The following EMG1 variants were observed in gnomAD, a reference collection of about 807,000 sequenced individuals.
EMG1 encodes ribosomal RNA small subunit methyltransferase NEP1.
A neutral mutation model predicts 26.9 loss-of-function variants in EMG1; 24 were observed. That is an observed-to-expected ratio of 0.89 (90% CI 0.65 to 1.26). EMG1 has a LOEUF of 1.26. Among genes scored for constraint, EMG1 ranks in the 50% most tolerant of loss-of-function variants. EMG1 has a pLI of 0.00. For missense variants in EMG1, 299 were observed against 307.6 expected (o/e 0.97, Z 0.21); for synonymous variants, 140 against 112.6 (o/e 1.24, Z -1.54).
downstream of EMG1, among the ~76,000 whole-genome samples, chr12:6,993,239 A>C (rs1329464180): frequency 2.6e-5 from 4 of 152,218 alleles, no homozygotes; most frequent in South Asian, 8.3e-4. Flanking sequence ...GGAGATCAAG[A>C]CCATCCTGGC....
downstream of EMG1, chr12:6,983,355 T>G: frequency 1.1e-6 from 1 of 947,126 alleles, no homozygotes; most frequent in Non-Finnish European, 1.7e-6. Context: ...TTAGATTCTC[T>G]CAAGGAAATT....
At chr12:6,985,989 G>A (rs1946521870) in intron 6 of EMG1, among the ~76,000 whole-genome samples, 6 of 151,868 alleles carry the variant, frequency 4.0e-5, no homozygotes, top group Admixed American at 3.9e-4. Context: ...TGGCCAGGCT[G>A]GTCTCGAACT....
At chr12:6,971,840 A>G (rs1320169089) in intron 1 of EMG1, among the ~76,000 whole-genome samples, 4 of 152,204 alleles carry the variant, frequency 2.6e-5, no homozygotes, top group Admixed American at 6.5e-5. Flanking sequence ...CACCTATGAT[A>G]CACTGTCCAG....
chr12:6,977,669 A>T lies in EMG1; in HGVS notation c.*1860A>T. 5 of 1,614,262 alleles carry T rather than the reference A, an allele frequency of 3.1e-6. No individual in the cohort carries two copies. The highest frequency in any genetic ancestry group is 4.2e-6 in the Non-Finnish European group (5 of 1,180,040). ...AGGTATCCTGAGTGCAGGCCGTGCC[A>T]GAGGGCCAGGAATAGCAACGAGAGA... On this transcript the variant is annotated 3_prime_UTR_variant, in exon 6 of 6. Coordinates refer to ENST00000599672, the MANE Select transcript of EMG1 (RefSeq NM_006331.8). This position sits in a 1 kb window ranked among gnomAD's most constrained non-coding sequence, Gnocchi z 4.5.
chr12:6,995,127 T>C (rs1219129174), intron 7 of EMG1, among the ~76,000 whole-genome samples: 1 of 152,112 alleles, frequency 6.6e-6, no homozygotes, highest in Non-Finnish European at 1.5e-5. Flanking sequence ...TGGGCTTTTT[T>C]TTTTTTTTTA....
At chr12:6,974,896 AGAGG>A (rs1200687276) in intron 3 of EMG1, 190 bp from the exon 4 acceptor site, 2 of 799,968 alleles carry the variant, frequency 2.5e-6, no homozygotes, top group African/African-American at 3.5e-5. Context: ...GCTGAGTGAA[AGAGG>A]GAGTCTGAAC....
downstream of EMG1, among the ~76,000 whole-genome samples, chr12:6,988,641 G>A (rs1242992928): frequency 1.3e-5 from 2 of 152,180 alleles, no homozygotes; most frequent in African/African-American, 4.8e-5. Flanking sequence ...ACTCATCAGA[G>A]TTGGCTTCCG....
chr12:6,984,219 TA>T (rs1222067078), downstream of EMG1, among the ~76,000 whole-genome samples: 1 of 152,190 alleles, frequency 6.6e-6, no homozygotes, highest in Non-Finnish European at 1.5e-5. Context: ...TTAAGTATAC[TA>T]AAAAAATGTC....
chr12:6,983,639 G>GA, downstream of EMG1: 181 of 688,300 alleles, frequency 2.6e-4, no homozygotes, highest in Non-Finnish European at 3.8e-4. Flanking sequence ...CAGAGGGAGA[G>GA]AGAAAAAAAA....
At chr12:6,992,739 TTC>T (rs1946600615), downstream of EMG1, among the ~76,000 whole-genome samples, 2 of 152,208 alleles carry the variant, frequency 1.3e-5, no homozygotes, top group East Asian at 1.9e-4. Context: ...TTTTTGAAAC[TTC>T]TCTTTCACTG....
Position 6,976,025 on chromosome 12 carries a change from TGTTCCCC to T in EMG1, c.*218_*224del. On this transcript the variant is annotated 3_prime_UTR_variant, in exon 6 of 6. Transcript: ENST00000599672. ...AAGTATCCAGTGGTGTAAAACTGTT[TGTTCCCC>T]GGGACTTCAGGGACAGATAGGAGGT... 1 of 489,844 alleles carries T rather than the reference TGTTCCCC, an allele frequency of 2.0e-6. No individual in the cohort carries two copies. Among genetic ancestry groups the T allele is most frequent in the East Asian group, 3.3e-5 (1 of 30,524 alleles). 30.3% of individuals were successfully genotyped at this position (489,844 alleles called of 1,614,324 possible). A position where few individuals can be genotyped will look rare whatever the true frequency, so the allele number is the denominator to read the frequency against.
Position 6,975,847 on chromosome 12 carries a change from T to C in EMG1, c.*38T>C, listed in dbSNP as rs199705379. 6,957 of 1,196,086 alleles carry C rather than the reference T, an allele frequency of 5.8e-3. 36 individuals carry two copies. Among genetic ancestry groups the C allele is most frequent in the Non-Finnish European group, 6.8e-3 (5,434 of 800,484 alleles). 74.1% of individuals were successfully genotyped at this position (1,196,086 alleles called of 1,614,324 possible). ...CTGTTCTGAAACCAGAAACTGTTGATGTCACATCCTTTGACCCTGGTCTGA... is the reference window on the plus strand; with the variant it reads ...CTGTTCTGAAACCAGAAACTGTTGACGTCACATCCTTTGACCCTGGTCTGA... On this transcript the variant is annotated 3_prime_UTR_variant, in exon 6 of 6. Coordinates refer to ENST00000599672, the MANE Select transcript of EMG1 (RefSeq NM_006331.8).
chr12:6,988,866 C>T (rs1224306562), downstream of EMG1, among the ~76,000 whole-genome samples: 1 of 152,148 alleles, frequency 6.6e-6, no homozygotes, highest in African/African-American at 2.4e-5. Context: ...GTGGCTCACG[C>T]CTGTAATCCC....
intron 1 of EMG1, 22 bp from the exon 2 acceptor site, chr12:6,974,317 C>G: frequency 6.4e-7 from 1 of 1,555,634 alleles, no homozygotes; most frequent in Non-Finnish European, 8.8e-7. Flanking sequence ...GCTGTTCTCT[C>G]GTCATGTTCC....
rs782698373 is a variant in EMG1, at chr12:6,977,979, G to C, written c.*2170G>C. The C allele has an allele frequency of 2.8e-5, 16 of 576,516 alleles. No homozygotes were observed. The highest frequency in any genetic ancestry group is 3.7e-5 in the African/African-American group (2 of 53,562). The allele number at this position is 576,516 out of a possible 1,614,324, so 35.7% of individuals were successfully genotyped here. A position where few individuals can be genotyped will look rare whatever the true frequency, so the allele number is the denominator to read the frequency against. The stretch of plus-strand genomic sequence containing the variant: ...GCCACTTGGTTCAGCAGCAGTGACT[G>C]AGGCTGATGCTGAGATCAGTGGTGA... On this transcript the variant is annotated 3_prime_UTR_variant, in exon 6 of 6. Transcript: ENST00000599672. The surrounding 1 kb of genome is among the most constrained non-coding windows in gnomAD (Gnocchi z 4.5).
chr12:6,983,556 A>G, downstream of EMG1: 1 of 1,507,916 alleles, frequency 6.6e-7, no homozygotes, highest in East Asian at 2.3e-5. Flanking sequence ...GGGGGAAAAG[A>G]TAAGAAGAGT....
Position 6,979,616 on chromosome 12 carries a change from G to T in EMG1, c.*3807G>T. ...CGAGTGAAGTTCCTGGTCACAGAGA[G>T]CAGAGACTATTCCCTTCACCCTCTG... On this transcript the variant is annotated 3_prime_UTR_variant, in exon 6 of 6. Transcript: ENST00000599672. 1.4e-6 allele frequency: 2 copies of T among 1,401,054 alleles called. No individual in the cohort carries two copies. Among genetic ancestry groups the T allele is most frequent in the Non-Finnish European group, 2.0e-6 (2 of 986,284 alleles). The allele number at this position is 1,401,054 out of a possible 1,614,324, so 86.8% of individuals were successfully genotyped here. A position where few individuals can be genotyped will look rare whatever the true frequency, so the allele number is the denominator to read the frequency against.
Position 6,978,903 on chromosome 12 carries a change from G to C in EMG1, c.*3094G>C. The C allele has an allele frequency of 1.6e-6, 1 of 620,476 alleles. No homozygotes were observed. Among genetic ancestry groups the C allele is most frequent in the Admixed American group, 3.2e-5 (1 of 30,984 alleles). The allele number at this position is 620,476 out of a possible 1,614,324, so 38.4% of individuals were successfully genotyped here. Reference sequence around the variant, plus strand: ...TATTCATTCGCCTTTCCCTTGGAGAGCCTCAAGGGCAGCACTGTATTTAAC... The same window carrying C: ...TATTCATTCGCCTTTCCCTTGGAGACCCTCAAGGGCAGCACTGTATTTAAC... On this transcript the variant is annotated 3_prime_UTR_variant, in exon 6 of 6. Coordinates refer to ENST00000599672, the MANE Select transcript of EMG1 (RefSeq NM_006331.8).
downstream of EMG1, among the ~76,000 whole-genome samples, chr12:6,993,048 G>T (rs1946603883): frequency 5.3e-5 from 8 of 152,164 alleles, no homozygotes; most frequent in South Asian, 1.2e-3. Context: ...AATATGGAGG[G>T]CTGACTATAC....
Sources: allele counts gnomAD v4.1 joint callset (sites outside exome capture counted in the v4.1 genomes callset), GRCh38; gene constraint gnomAD v4.1.1; non-coding constraint Gnocchi (gnomAD v3.1); transcripts MANE v1.5; gene names NCBI Gene and HGNC (gene_info 2026-07-23, HGNC 2026-07-21).